The following WDFY3 variants were observed in gnomAD, a reference collection of about 807,000 sequenced individuals.
WDFY3 encodes WD repeat and FYVE domain-containing protein 3.
Under a neutral mutation model 409.6 loss-of-function variants are expected in WDFY3, and 66 were observed. The observed-to-expected ratio is 0.16, with a 90% CI of 0.13 to 0.20. The LOEUF is 0.20. WDFY3 is among the 10% of genes least tolerant of loss of function. WDFY3 has a pLI of 1.00. For synonymous variants in WDFY3, 1,521 were observed against 1,537.1 expected (o/e 0.99, Z 0.25); for missense variants, 3,031 against 4,298.1 (o/e 0.71, Z 8.24).
At chr4:84,845,971 G>T (rs1459622829) in intron 5 of WDFY3, among the ~76,000 whole-genome samples, 2 of 150,620 alleles carry the variant, frequency 1.3e-5, no homozygotes. Flanking sequence ...ATTAATACAC[G>T]GGTGAACACA....
chr4:84,712,364 G>GA (rs1733050793), intron 51 of WDFY3, among the ~76,000 whole-genome samples: 2 of 54,764 alleles, frequency 3.7e-5, no homozygotes, highest in Non-Finnish European at 7.6e-5. Flanking sequence ...TGTCTCAAAA[G>GA]AAAAAAATTA....
At chr4:84,913,959 T>C (rs1768120581) in intron 2 of WDFY3, among the ~76,000 whole-genome samples, 1 of 152,134 alleles carries the variant, frequency 6.6e-6, no homozygotes, top group Non-Finnish European at 1.5e-5. Flanking sequence ...GATGAAGACC[T>C]TTATGATGAT....
chr4:84,952,282 T>C (rs1773706591), intron 1 of WDFY3, among the ~76,000 whole-genome samples: 1 of 152,186 alleles, frequency 6.6e-6, no homozygotes, highest in African/African-American at 2.4e-5. Context: ...GACTCAGATA[T>C]AAATCTAGGT....
intron 36 of WDFY3, among the ~76,000 whole-genome samples, 188 bp from the exon 37 acceptor site, chr4:84,743,987 A>T (rs1738894693): frequency 6.6e-6 from 1 of 150,882 alleles, no homozygotes; most frequent in Non-Finnish European, 1.5e-5. Context: ...CTACAGAATT[A>T]AAAAAAATTT....
At chr4:84,749,132 T>C (rs1391050301) in intron 36 of WDFY3, among the ~76,000 whole-genome samples, 1 of 152,130 alleles carries the variant, frequency 6.6e-6, no homozygotes, top group African/African-American at 2.4e-5. Context: ...GCAATCCTTC[T>C]GCCTTGACCT....
chr4:84,906,709 G>A (rs1400393616), intron 2 of WDFY3, among the ~76,000 whole-genome samples: 1 of 151,686 alleles, frequency 6.6e-6, no homozygotes, highest in Non-Finnish European at 1.5e-5. Flanking sequence ...ATATGGCCCA[G>A]GAAAGCTTTG....
intron 1 of WDFY3, among the ~76,000 whole-genome samples, chr4:84,938,278 T>A (rs1169925171): frequency 6.6e-6 from 1 of 152,144 alleles, no homozygotes; most frequent in African/African-American, 2.4e-5. Flanking sequence ...AACAAGATAA[T>A]CTAAATAATT....
At chr4:84,841,295 G>C in intron 5 of WDFY3, 32 bp from the exon 6 acceptor site, 1 of 1,579,946 alleles carries the variant, frequency 6.3e-7, no homozygotes, top group Non-Finnish European at 8.6e-7. Context: ...CATTAAGTGG[G>C]GGAAAAGTCA....
chr4:84,955,813 G>A (rs915688898), intron 1 of WDFY3, among the ~76,000 whole-genome samples: 1 of 152,114 alleles, frequency 6.6e-6, no homozygotes, highest in Non-Finnish European at 1.5e-5. Context: ...CGAATATTTT[G>A]AGAAAATACT....
chr4:84,905,315 G>A (rs1766895929), intron 2 of WDFY3, among the ~76,000 whole-genome samples: 1 of 152,128 alleles, frequency 6.6e-6, no homozygotes, highest in South Asian at 2.1e-4. Flanking sequence ...CAGCCTGGGC[G>A]ACAGAGTGAG....
At chr4:84,945,711 C>T (rs974000803) in intron 1 of WDFY3, among the ~76,000 whole-genome samples, 5 of 152,124 alleles carry the variant, frequency 3.3e-5, no homozygotes, top group African/African-American at 9.7e-5. Context: ...CTCCCATCTC[C>T]GGAACACACT....
intron 1 of WDFY3, among the ~76,000 whole-genome samples, chr4:84,957,228 G>A (rs1266217766): frequency 2.0e-5 from 3 of 149,536 alleles, no homozygotes; most frequent in East Asian, 1.9e-4. Flanking sequence ...TGCATTAAGT[G>A]GGCTAACAGA....
chr4:84,862,759 G>A (rs1245339154), intron 3 of WDFY3, among the ~76,000 whole-genome samples: 1 of 152,028 alleles, frequency 6.6e-6, no homozygotes, highest in Non-Finnish European at 1.5e-5. Flanking sequence ...AGGCCTAGGC[G>A]GGTGGATCAC....
chr4:84,859,005 A>G (rs1760166999), intron 4 of WDFY3, among the ~76,000 whole-genome samples: 1 of 151,950 alleles, frequency 6.6e-6, no homozygotes, highest in African/African-American at 2.4e-5. Flanking sequence ...AAGAAATGGA[A>G]ACAGGGGAAG....
intron 2 of WDFY3, among the ~76,000 whole-genome samples, chr4:84,917,553 T>C (rs952060844): frequency 2.0e-5 from 3 of 152,146 alleles, no homozygotes; most frequent in Non-Finnish European, 4.4e-5. Context: ...TCATTCAGGC[T>C]TTACAATGTA....
At chr4:84,759,890 A>G (rs1166028892) in intron 32 of WDFY3, among the ~76,000 whole-genome samples, 3 of 148,202 alleles carry the variant, frequency 2.0e-5, no homozygotes, top group Non-Finnish European at 3.0e-5. Context: ...CCAGTTTTCA[A>G]AGGGAATGCT....
intron 3 of WDFY3, among the ~76,000 whole-genome samples, chr4:84,870,505 C>G (rs75232874): frequency 6.6e-6 from 1 of 152,212 alleles, no homozygotes; most frequent in East Asian, 1.9e-4. Flanking sequence ...CCACAACTTT[C>G]CAGGGTTGCA....
At chr4:84,947,725 A>C (rs1473091064) in intron 1 of WDFY3, among the ~76,000 whole-genome samples, 1 of 148,712 alleles carries the variant, frequency 6.7e-6, no homozygotes, top group African/African-American at 2.5e-5. Context: ...AAAAAAAAAA[A>C]AAAAACATTA....
At chr4:84,696,634 T>A in intron 57 of WDFY3, 98 bp downstream of exon 57, 6 of 1,227,600 alleles carry the variant, frequency 4.9e-6, no homozygotes. Context: ...GCTGTATTAG[T>A]AACAAACAGG....
Sources: gnomAD v4.1 joint callset for allele counts (sites outside exome capture counted in the v4.1 genomes callset) on GRCh38, gnomAD v4.1.1 for gene constraint, MANE v1.5 for transcripts, NCBI Gene and HGNC (gene_info 2026-07-23, HGNC 2026-07-21) for gene names.